Variants in EAPP observed in about 807,000 individuals in gnomAD.
The protein encoded by EAPP is E2F-associated phosphoprotein.
Under a neutral mutation model 34.3 loss-of-function variants are expected in EAPP, and 38 were observed. The observed-to-expected ratio is 1.11, with a 90% CI of 0.85 to 1.45. The LOEUF (loss-of-function observed/expected upper bound fraction) is 1.45. Among genes scored for constraint, EAPP ranks in the 40% most tolerant of loss-of-function variants. The pLI is 0.00. For missense variants in EAPP, 338 were observed against 343.7 expected (o/e 0.98, Z 0.13); for synonymous variants, 113 against 117.6 (o/e 0.96, Z 0.25).
At chr14:34,539,180 C>G in intron 1 of EAPP, 1 of 391,274 alleles carries the variant, frequency 2.6e-6, no homozygotes, top group South Asian at 2.1e-5. Flanking sequence ...GTGTGTTATA[C>G]TATGTTATAT....
chr14:34,516,575 T>C lies in EAPP; in HGVS notation c.593A>G (p.Tyr198Cys). Reference sequence around the variant, plus strand: ...AAACATTGCTCTATATTGAGTTTTGTATGATTCATGCCTAAGAGAAAAATG... The same window carrying C: ...AAACATTGCTCTATATTGAGTTTTGCATGATTCATGCCTAAGAGAAAAATG... Reference protein sequence around the residue: ...LCLDCQRHESYKTQYRAMFVM... With the variant: ...LCLDCQRHESCKTQYRAMFVM... The change falls in exon 6 of 6, where the codon TAC becomes TGC. Residue 198 changes from tyrosine to cysteine, a missense_variant. Tyr to Cys is a radical substitution (Grantham distance 194). Coordinates refer to ENST00000250454, the MANE Select transcript of EAPP (RefSeq NM_018453.4). 5.0e-6 allele frequency: 8 copies of C among 1,611,808 alleles called. No homozygotes were observed. The Middle Eastern group carries it at 6.6e-4, about 134-fold the overall frequency.
In EAPP at chr14:34,529,355, T is replaced by C; in HGVS notation, c.470+3A>G. 1 of 1,567,436 alleles carries C rather than the reference T, an allele frequency of 6.4e-7. No individual in the cohort carries two copies. The highest frequency in any genetic ancestry group is 2.2e-5 in the East Asian group (1 of 44,634). On this transcript the variant is annotated splice_donor_region_variant and intron_variant, in intron 4 of 5. Coordinates refer to ENST00000250454, the MANE Select transcript of EAPP (RefSeq NM_018453.4). ...ATTCTAAATATTAACTTTAAGTTCT[T>C]ACCCCCTTCTCTGTGCATCAACCCA... is the stretch of plus-strand genomic sequence containing the variant.
chr14:34,533,563 T>A (rs781692091), intron 2 of EAPP, 24 bp from the exon 3 acceptor site: 1 of 1,498,938 alleles, frequency 6.7e-7, no homozygotes, highest in South Asian at 1.2e-5. Flanking sequence ...AAGTAAAGTT[T>A]ACAGACTAAA....
intron 3 of EAPP, among the ~76,000 whole-genome samples, chr14:34,531,419 A>G (rs1321065531): frequency 1.3e-5 from 2 of 152,002 alleles, no homozygotes; most frequent in Non-Finnish European, 2.9e-5. Context: ...TGGCTAACAC[A>G]GTGAAACCCC....
intron 4 of EAPP, among the ~76,000 whole-genome samples, chr14:34,529,046 G>T (rs1348487261): frequency 6.6e-6 from 1 of 152,074 alleles, no homozygotes; most frequent in African/African-American, 2.4e-5. Context: ...TGAGGCAGGA[G>T]AATCTCTTGA....
chr14:34,520,578 T>TGCAA (rs1449007663), intron 5 of EAPP, among the ~76,000 whole-genome samples: 2 of 152,130 alleles, frequency 1.3e-5, no homozygotes, highest in Non-Finnish European at 2.9e-5. Context: ...CTCAGCTCAC[T>TGCAA]GCAACCTGTG....
intron 5 of EAPP, among the ~76,000 whole-genome samples, chr14:34,520,749 C>T (rs937076518): frequency 2.0e-5 from 3 of 151,920 alleles, no homozygotes; most frequent in African/African-American, 7.3e-5. Context: ...GTGATCCACC[C>T]GCTTCCGCCT....
intron 3 of EAPP, among the ~76,000 whole-genome samples, chr14:34,531,620 A>G (rs1315284238): frequency 2.0e-5 from 3 of 151,930 alleles, no homozygotes; most frequent in Non-Finnish European, 4.4e-5. Context: ...TAAATAAATA[A>G]ACAAACACAT....
Position 34,516,137 on chromosome 14 carries a change from AAAG to A in EAPP, c.*170_*172del. 2 of 557,818 alleles carry A rather than the reference AAAG, an allele frequency of 3.6e-6. No homozygotes were observed. Among genetic ancestry groups the A allele is most frequent in the Non-Finnish European group, 5.9e-6 (2 of 341,520 alleles). 34.6% of individuals were successfully genotyped at this position (557,818 alleles called of 1,614,324 possible). The stretch of plus-strand genomic sequence containing the variant: ...TAAGGGGGAAAATCAAAGAAAAAAA[AAAG>A]GAGAGGGTGAGAGATGTAAGAGATG... On this transcript the variant is annotated 3_prime_UTR_variant, in exon 6 of 6. Coordinates refer to ENST00000250454, the MANE Select transcript of EAPP (RefSeq NM_018453.4).
At chr14:34,516,802 CA>C (rs1879747401) in intron 5 of EAPP, among the ~76,000 whole-genome samples, 1 of 152,186 alleles carries the variant, frequency 6.6e-6, no homozygotes. Flanking sequence ...CTCTTAGCCT[CA>C]AGTGATCCTC....
intron 2 of EAPP, among the ~76,000 whole-genome samples, chr14:34,534,426 C>G (rs1880398253): frequency 6.6e-6 from 1 of 152,102 alleles, no homozygotes; most frequent in East Asian, 1.9e-4. Context: ...GCCACTGCAC[C>G]CGGCAGAAGA....
chr14:34,526,121 T>G (rs1363997736), intron 4 of EAPP, among the ~76,000 whole-genome samples: 1 of 151,446 alleles, frequency 6.6e-6, no homozygotes, highest in African/African-American at 2.4e-5. Flanking sequence ...TTAAAAACAG[T>G]AAAGCTACAT....
At chr14:34,531,948 C>T (rs1000095890) in intron 3 of EAPP, among the ~76,000 whole-genome samples, 8 of 151,058 alleles carry the variant, frequency 5.3e-5, no homozygotes, top group African/African-American at 1.5e-4. Flanking sequence ...TGGTGGCGGG[C>T]GCCTGTAGTC....
chr14:34,520,850 A>C (rs1879894476), intron 5 of EAPP, among the ~76,000 whole-genome samples: 1 of 150,724 alleles, frequency 6.6e-6, no homozygotes, highest in South Asian at 2.1e-4. Flanking sequence ...TATGCTTTCC[A>C]CTGAGAAATC....
intron 4 of EAPP, among the ~76,000 whole-genome samples, chr14:34,526,675 C>G (rs957657310): frequency 1.3e-5 from 2 of 151,788 alleles, no homozygotes; most frequent in Non-Finnish European, 1.5e-5. Context: ...ATTGCTTGAG[C>G]CCAGGAGTTT....
chr14:34,530,223 C>T (rs1880238108), intron 3 of EAPP, among the ~76,000 whole-genome samples: 1 of 151,460 alleles, frequency 6.6e-6, no homozygotes, highest in Non-Finnish European at 1.5e-5. Flanking sequence ...TTAAAAAAAA[C>T]CCTTCATCTA....
At chr14:34,531,564 T>C (rs766566540) in intron 3 of EAPP, among the ~76,000 whole-genome samples, 2 of 151,024 alleles carry the variant, frequency 1.3e-5, no homozygotes, top group Non-Finnish European at 3.0e-5. Context: ...ATGACGCCAC[T>C]GCACTCCAGC....
chr14:34,535,594 G>C (rs1012029352), intron 2 of EAPP, among the ~76,000 whole-genome samples: 1 of 150,858 alleles, frequency 6.6e-6, no homozygotes, highest in East Asian at 2.0e-4. Context: ...CACCACGCCC[G>C]GCTAATTTTT....
intron 2 of EAPP, among the ~76,000 whole-genome samples, chr14:34,534,300 T>C (rs906832853): frequency 2.0e-5 from 3 of 152,056 alleles, no homozygotes; most frequent in African/African-American, 7.2e-5. Flanking sequence ...TCCCAGCTAA[T>C]TTTTTGTGTT....
Sources: gnomAD v4.1 joint callset for allele counts (sites outside exome capture counted in the v4.1 genomes callset) on GRCh38, gnomAD v4.1.1 for gene constraint, MANE v1.5 for transcripts, NCBI Gene and HGNC (gene_info 2026-07-23, HGNC 2026-07-21) for gene names.